The following FBXW11 variants were observed in gnomAD, a reference collection of about 807,000 sequenced individuals.
The protein encoded by FBXW11 is F-box/WD repeat-containing protein 11.
FBXW11 carries 19 observed loss-of-function variants against 77.6 expected under a neutral mutation model. The observed-to-expected ratio is 0.24, with a 90% CI of 0.17 to 0.36. The LOEUF (loss-of-function observed/expected upper bound fraction) is 0.36. Ranked by LOEUF, FBXW11 falls within the 10% of genes least tolerant of loss-of-function variation. The pLI, the probability that FBXW11 is intolerant of heterozygous loss-of-function variation, is 1.00. For synonymous variants in FBXW11, 235 were observed against 249.4 expected, an observed-to-expected ratio of 0.94 and a Z score of 0.54; for missense variants, 334 against 704.2, an observed-to-expected ratio of 0.47 and a Z score of 5.95.
intron 4 of FBXW11, among the ~76,000 whole-genome samples, chr5:171,905,386 C>T (rs1161474371): frequency 6.6e-6 from 1 of 152,146 alleles, no homozygotes; most frequent in Non-Finnish European, 1.5e-5. Context: ...ATAGAGGGAA[C>T]CTCCCAGTCT....
intron 3 of FBXW11, among the ~76,000 whole-genome samples, chr5:171,913,465 TAC>T (rs1162339656): frequency 2.0e-5 from 3 of 152,204 alleles, no homozygotes; most frequent in Non-Finnish European, 1.5e-5. Flanking sequence ...ACTCAGTCTG[TAC>T]ACAGTGTTAA....
At position 171,869,678 on chromosome 5, in the gene FBXW11, T is replaced by C. The variant is rs1017025520; in HGVS notation, c.1530+51A>G. ...ACACCTAGACAGGACTATCTGCAAA[T>C]GGTCATCCTCCAGCACAGGGAACCA... On this transcript the variant is annotated intron_variant, in intron 12 of 13. Coordinates refer to ENST00000517395, the MANE Select transcript of FBXW11 (RefSeq NM_001378974.1). This position sits in a 1 kb window ranked among gnomAD's most constrained non-coding sequence, Gnocchi z 4.1. 1.4e-6 allele frequency: 2 copies of C among 1,420,324 alleles called. No individual in the cohort carries two copies. Among genetic ancestry groups the C allele is most frequent in the Non-Finnish European group, 1.9e-6 (2 of 1,026,536 alleles). The allele number at this position is 1,420,324 out of a possible 1,614,324, so 88.0% of individuals were successfully genotyped here. A position where few individuals can be genotyped will look rare whatever the true frequency, so the allele number is the denominator to read the frequency against.
rs185296779 is a variant in FBXW11, at chr5:171,942,733, T to C, written c.147+14864A>G. ...AGGACGATCACCTGAGCCCAGGAGG[T>C]TGAGGCTGCAGTGGGCAGTGATCAC... On this transcript the variant is annotated intron_variant, in intron 2 of 13. Transcript: ENST00000517395. 1.2e-3 allele frequency among the ~76,000 whole-genome samples: 176 copies of C among 152,170 alleles called. 1 individual carries two copies. Among genetic ancestry groups the C allele is most frequent in the African/African-American group, 4.0e-3 (165 of 41,508 alleles).
rs1010603839 is a variant in FBXW11 at position 171,905,878 on chromosome 5, A to C, written c.436+4694T>G. On this transcript the variant is annotated intron_variant, in intron 4 of 13. Transcript: ENST00000517395. ...TCATGCTGAGACTCCCCCATCTCTCACCACCACCCCCTCTTCCTAAGGCAA... is the reference window on the plus strand; with the variant it reads ...TCATGCTGAGACTCCCCCATCTCTCCCCACCACCCCCTCTTCCTAAGGCAA... Among the ~76,000 whole-genome samples, 5 of 151,880 alleles carry C rather than the reference A, an allele frequency of 3.3e-5. No homozygotes were observed. The South Asian group carries it at 8.3e-4, about 25-fold the overall frequency.
At chr5:171,898,852 A>C in intron 6 of FBXW11, 152 bp downstream of exon 6, 1 of 460,890 alleles carries the variant, frequency 2.2e-6, no homozygotes, top group Non-Finnish European at 3.8e-6. Flanking sequence ...GCTGCAGATT[A>C]TATACAACAT....
chr5:171,866,828 CT>C (rs1757428404), intron 13 of FBXW11, among the ~76,000 whole-genome samples: 1 of 152,184 alleles, frequency 6.6e-6, no homozygotes, highest in African/African-American at 2.4e-5. Flanking sequence ...TATTTTAAAG[CT>C]CCATTCAATA....
chr5:171,898,144 G>C (rs1040049537), intron 6 of FBXW11, among the ~76,000 whole-genome samples: 2 of 152,154 alleles, frequency 1.3e-5, no homozygotes, highest in African/African-American at 4.8e-5. Context: ...GCCTGGAAGG[G>C]TGGTGGGGTC....
At chr5:171,928,758 C>T (rs1258095392) in intron 2 of FBXW11, among the ~76,000 whole-genome samples, 1 of 152,228 alleles carries the variant, frequency 6.6e-6, no homozygotes, top group Non-Finnish European at 1.5e-5. Context: ...TATCCATTCA[C>T]ACTTCTAGTG....
At chr5:171,888,426 G>A (rs1759062673) in intron 7 of FBXW11, among the ~76,000 whole-genome samples, 1 of 152,200 alleles carries the variant, frequency 6.6e-6, no homozygotes, top group African/African-American at 2.4e-5. Context: ...TCTAAGTAGT[G>A]AAAGCCCATG....
chr5:171,913,991 GA>G (rs1761069022), intron 3 of FBXW11, among the ~76,000 whole-genome samples: 1 of 152,190 alleles, frequency 6.6e-6, no homozygotes, highest in Non-Finnish European at 1.5e-5. Context: ...TAAAGGTTGA[GA>G]GCAAAAGGAG....
At chr5:171,868,944 C>T (rs1757597364) in intron 12 of FBXW11, 148 bp from the exon 13 acceptor site, 2 of 631,888 alleles carry the variant, frequency 3.2e-6, no homozygotes, top group Non-Finnish European at 5.2e-6. Flanking sequence ...TGTCCTTCAT[C>T]CCAAGAACAA....
At chr5:171,916,864 C>T (rs1000930598) in intron 2 of FBXW11, among the ~76,000 whole-genome samples, 1 of 152,120 alleles carries the variant, frequency 6.6e-6, no homozygotes, top group Non-Finnish European at 1.5e-5. Context: ...GCAGAGGAAA[C>T]ATATGAGGGA....
chr5:172,004,867 G>GCACACACACACA (rs112994412), intron 1 of FBXW11, among the ~76,000 whole-genome samples: 21 of 149,448 alleles, frequency 1.4e-4, no homozygotes, highest in African/African-American at 2.0e-4. Context: ...AACCCCACGT[G>GCACACACACACA]CACACACACA....
intron 6 of FBXW11, among the ~76,000 whole-genome samples, chr5:171,892,802 T>C (rs2541045): frequency 0.93 from 141,662 of 152,272 alleles, 65,989 homozygotes; most frequent in East Asian, 1. Context: ...CAGGGATTTC[T>C]ATAACCTGTT....
At chr5:171,999,906 T>A (rs1469206820) in intron 1 of FBXW11, among the ~76,000 whole-genome samples, 1 of 152,206 alleles carries the variant, frequency 6.6e-6, no homozygotes, top group Admixed American at 6.5e-5. Context: ...CATTGTTAAC[T>A]CAACCTGAGA....
chr5:171,948,624 T>G (rs1405576521), intron 2 of FBXW11, among the ~76,000 whole-genome samples: 1 of 152,090 alleles, frequency 6.6e-6, no homozygotes, highest in African/African-American at 2.4e-5. Context: ...AAAAGTTATT[T>G]TCATAAACAG....
At chr5:171,916,095 TG>T (rs1761218347) in intron 2 of FBXW11, among the ~76,000 whole-genome samples, 1 of 42,560 alleles carries the variant, frequency 2.3e-5, no homozygotes, top group Non-Finnish European at 4.7e-5. Context: ...TGTCGTGGGG[TG>T]GGGGGAGGTG....
At chr5:171,918,167 T>C (rs945735278) in intron 2 of FBXW11, among the ~76,000 whole-genome samples, 5 of 151,940 alleles carry the variant, frequency 3.3e-5, no homozygotes, top group Non-Finnish European at 5.9e-5. Context: ...GCATCCCACA[T>C]GCAAAAATCC....
chr5:171,938,661 G>A (rs533877152), intron 2 of FBXW11, among the ~76,000 whole-genome samples: 11 of 152,232 alleles, frequency 7.2e-5, no homozygotes, highest in African/African-American at 2.4e-4. Flanking sequence ...AATTCTCCCT[G>A]AAGATACACT....
Sources: allele counts gnomAD v4.1 joint callset (sites outside exome capture counted in the v4.1 genomes callset), GRCh38; gene constraint gnomAD v4.1.1; non-coding constraint Gnocchi (gnomAD v3.1); transcripts MANE v1.5; gene names NCBI Gene and HGNC (gene_info 2026-07-23, HGNC 2026-07-21).